CDK14: variants seen among roughly 807,000 people sequenced by gnomAD.
CDK14 encodes cyclin-dependent kinase 14.
CDK14 carries 34 observed loss-of-function variants against 60.7 expected under a neutral mutation model. The observed-to-expected ratio is 0.56, with a 90% CI of 0.43 to 0.75. The LOEUF (loss-of-function observed/expected upper bound fraction) is 0.75, where lower values mean the gene tolerates loss of function less well. CDK14 is among the 30% of genes least tolerant of loss of function. The pLI is 0.00. For synonymous variants in CDK14, 197 were observed against 203.7 expected (o/e 0.97, Z 0.28); for missense variants, 482 against 564.1 (o/e 0.85, Z 1.47).
At chr7:90,608,833 T>C (rs1799475328) in intron 2 of CDK14, among the ~76,000 whole-genome samples, 1 of 151,912 alleles carries the variant, frequency 6.6e-6, no homozygotes, top group Admixed American at 6.5e-5. Flanking sequence ...ACAAAGCGTA[T>C]AAAATTAAAA....
intron 11 of CDK14, among the ~76,000 whole-genome samples, chr7:91,056,130 CGTT>C (rs1455057520): frequency 6.6e-6 from 1 of 152,158 alleles, no homozygotes; most frequent in Non-Finnish European, 1.5e-5. Context: ...AACAAGAAAA[CGTT>C]GTCCCTCGTC....
intron 14 of CDK14, among the ~76,000 whole-genome samples, chr7:91,128,533 A>G (rs918401722): frequency 1.6e-4 from 25 of 152,322 alleles, no homozygotes; most frequent in African/African-American, 6.0e-4. Flanking sequence ...ACAGAAACCC[A>G]ATTTGTTAAT....
chr7:91,184,225 A>AAAAAAAAAAAAAAAAC (rs1802098545), intron 14 of CDK14, among the ~76,000 whole-genome samples: 1 of 148,444 alleles, frequency 6.7e-6, no homozygotes, highest in Non-Finnish European at 1.5e-5. Flanking sequence ...AAAAAAAAAA[A>AAAAAAAAAAAAAAAAC]TTAGCTGATT....
At chr7:90,600,558 G>A (rs1260431622) in intron 1 of CDK14, among the ~76,000 whole-genome samples, 1 of 152,200 alleles carries the variant, frequency 6.6e-6, no homozygotes, top group Admixed American at 6.5e-5. Flanking sequence ...AAAAGAAGAG[G>A]CTGTGATTAC....
At chr7:90,637,948 G>A (rs562802045) in intron 2 of CDK14, among the ~76,000 whole-genome samples, 3 of 146,322 alleles carry the variant, frequency 2.1e-5, no homozygotes, top group African/African-American at 7.7e-5. Context: ...CAGAGACTAG[G>A]ATTGCAACCC....
intron 9 of CDK14, among the ~76,000 whole-genome samples, chr7:90,959,018 A>G (rs1794518640): frequency 6.6e-6 from 1 of 152,140 alleles, no homozygotes; most frequent in African/African-American, 2.4e-5. Flanking sequence ...AGCGTGTGCT[A>G]CTTTTTCTTG....
At chr7:91,190,342 G>A (rs941059006) in intron 14 of CDK14, among the ~76,000 whole-genome samples, 8 of 152,282 alleles carry the variant, frequency 5.3e-5, no homozygotes, top group African/African-American at 1.9e-4. Flanking sequence ...AATGGCTCAG[G>A]GAAGCTGGGA....
rs562980428 is a variant in CDK14, at chr7:90,671,982, A to C, written c.124-54585A>C. 2.0e-4 allele frequency among the ~76,000 whole-genome samples: 30 copies of C among 152,346 alleles called. No homozygotes were observed. The East Asian group carries it at 5.4e-3, about 27-fold the overall frequency. On this transcript the variant is annotated intron_variant, in intron 2 of 14. Coordinates refer to ENST00000380050, the MANE Select transcript of CDK14 (RefSeq NM_001287135.2). ...AACTTCAGGAATTGAGTTTCTGGCCAGTTATCTTCGCAGTAGTGAATGTAA... is the reference window on the plus strand; with the variant it reads ...AACTTCAGGAATTGAGTTTCTGGCCCGTTATCTTCGCAGTAGTGAATGTAA...
At chr7:90,844,588 G>A (rs1233404148) in intron 5 of CDK14, among the ~76,000 whole-genome samples, 2 of 152,088 alleles carry the variant, frequency 1.3e-5, no homozygotes, top group Non-Finnish European at 2.9e-5. Flanking sequence ...TGTTCATGTG[G>A]TATTTGCATA....
chr7:90,876,647 C>G (rs552466437), intron 6 of CDK14, among the ~76,000 whole-genome samples: 1 of 152,258 alleles, frequency 6.6e-6, no homozygotes, highest in South Asian at 2.1e-4. Flanking sequence ...AAACTTGCTA[C>G]CATCTGTTTT....
At chr7:90,857,556 T>C (rs1790865636) in intron 5 of CDK14, among the ~76,000 whole-genome samples, 1 of 152,232 alleles carries the variant, frequency 6.6e-6, no homozygotes, top group South Asian at 2.1e-4. Flanking sequence ...TTGCCATATG[T>C]TTACCTAAAA....
chr7:91,170,021 A>G (rs1313032305), intron 14 of CDK14, among the ~76,000 whole-genome samples: 1 of 152,212 alleles, frequency 6.6e-6, no homozygotes, highest in Admixed American at 6.5e-5. Flanking sequence ...CCACATTTGG[A>G]TAGAGGTCAT....
chr7:90,637,820 G>C (rs1240730685), intron 2 of CDK14, among the ~76,000 whole-genome samples: 1 of 144,104 alleles, frequency 6.9e-6, no homozygotes, highest in Non-Finnish European at 1.5e-5. Flanking sequence ...GGGTGCTCCT[G>C]TATTGGGTGC....
At chr7:90,754,212 C>A (rs1803964039) in intron 4 of CDK14, among the ~76,000 whole-genome samples, 1 of 152,182 alleles carries the variant, frequency 6.6e-6, no homozygotes, top group South Asian at 2.1e-4. Flanking sequence ...AGGCGTCACA[C>A]TACCTGAATT....
intron 2 of CDK14, among the ~76,000 whole-genome samples, chr7:90,607,097 A>G (rs1799433404): frequency 6.6e-6 from 1 of 152,230 alleles, no homozygotes. Flanking sequence ...CTTATGAACT[A>G]TACAAAAGGA....
At chr7:90,943,952 G>A (rs1259640658) in intron 8 of CDK14, among the ~76,000 whole-genome samples, 1 of 152,188 alleles carries the variant, frequency 6.6e-6, no homozygotes, top group Non-Finnish European at 1.5e-5. Context: ...AATTAATGCT[G>A]CTCTTGCAGG....
At chr7:90,758,306 A>G (rs1804166358) in intron 4 of CDK14, among the ~76,000 whole-genome samples, 1 of 151,124 alleles carries the variant, frequency 6.6e-6, no homozygotes, top group Admixed American at 6.6e-5. Flanking sequence ...TTATGTTTAG[A>G]TGGGGGGTGG....
chr7:90,900,384 T>C (rs1562819919), intron 7 of CDK14, among the ~76,000 whole-genome samples: 1 of 152,194 alleles, frequency 6.6e-6, no homozygotes. Flanking sequence ...TTCTTAAAAA[T>C]GTGTAACCAT....
chr7:90,830,975 C>T (rs1373419758), intron 5 of CDK14, among the ~76,000 whole-genome samples: 3 of 152,218 alleles, frequency 2.0e-5, no homozygotes, highest in African/African-American at 7.2e-5. Context: ...TCACTATCAG[C>T]ATTTTGGTCA....
Sources: allele counts gnomAD v4.1 joint callset (sites outside exome capture counted in the v4.1 genomes callset), GRCh38; gene constraint gnomAD v4.1.1; transcripts MANE v1.5; gene names NCBI Gene and HGNC (gene_info 2026-07-23, HGNC 2026-07-21).